The following ZBTB38 variants were observed in gnomAD, a reference collection of about 807,000 sequenced individuals.
ZBTB38 encodes the protein zinc finger and BTB domain containing 38, also known as zinc finger and BTB domain-containing protein 38.
Under a neutral mutation model 76.8 loss-of-function variants are expected in ZBTB38, and 20 were observed. The ratio of observed to expected loss-of-function variants is 0.26; its 90% CI spans 0.18 to 0.38. The LOEUF is 0.38. Among genes scored for constraint, ZBTB38 ranks in the 10% least tolerant of loss-of-function variants. The pLI is 1.00. For synonymous variants in ZBTB38, 504 were observed against 544.2 expected (o/e 0.93, Z 1.03); for missense variants, 1,082 against 1,482.3 (o/e 0.73, Z 4.43).
intron 5 of ZBTB38, among the ~76,000 whole-genome samples, chr3:141,431,473 G>A (rs1015430749): frequency 6.6e-6 from 1 of 151,402 alleles, no homozygotes; most frequent in Admixed American, 6.6e-5. Context: ...AAGCAAGCAG[G>A]TGCCCAGGCA....
chr3:141,371,687 T>C (rs1944629633), intron 2 of ZBTB38, among the ~76,000 whole-genome samples: 1 of 152,210 alleles, frequency 6.6e-6, no homozygotes, highest in East Asian at 1.9e-4. Context: ...GCTGGGGCTA[T>C]TAATGCTACC....
At position 141,444,297 on chromosome 3, in the gene ZBTB38, G is replaced by C; in HGVS notation, c.1909G>C (p.Ala637Pro). ...TCCAGCCATCCCATTGGAAACATCT[G>C]CATGTCAGGACATACCCACTTCTGC... is the stretch of plus-strand genomic sequence containing the variant. ...NSPAIPLETS[A>P]CQDIPTSANV... Residue 637 changes from alanine to proline, a missense_variant, in exon 6 of 6, where the codon GCA becomes CCA. Around this residue, in one of 8 missense-constraint regions of ZBTB38, gnomAD observed 471 missense variants for 581.0 expected, o/e 0.81. Transcript: ENST00000321464. This position sits in a 1 kb window ranked among gnomAD's most constrained non-coding sequence, Gnocchi z 5.1. 2 of 1,614,202 alleles carry C rather than the reference G, an allele frequency of 1.2e-6. No individual in the cohort carries two copies. Among genetic ancestry groups the C allele is most frequent in the Non-Finnish European group, 1.7e-6 (2 of 1,180,038 alleles).
chr3:141,402,466 G>C (rs1952434487), intron 4 of ZBTB38: 1 of 150,758 alleles, frequency 6.6e-6, no homozygotes, highest in Admixed American at 6.6e-5. Context: ...GCCCCTCGCA[G>C]GGTCTTCGCG....
chr3:141,419,100 A>G (rs1187032694), intron 5 of ZBTB38, among the ~76,000 whole-genome samples: 1 of 152,224 alleles, frequency 6.6e-6, no homozygotes, highest in Non-Finnish European at 1.5e-5. Flanking sequence ...GAAGCATGAC[A>G]GGGAGGCCTC....
chr3:141,427,309 A>C (rs1249674939), intron 5 of ZBTB38, among the ~76,000 whole-genome samples: 1 of 152,224 alleles, frequency 6.6e-6, no homozygotes, highest in Non-Finnish European at 1.5e-5. Flanking sequence ...TTACAATCAT[A>C]ATAAGTACTA....
At chr3:141,337,235 A>T (rs547530429) in intron 1 of ZBTB38, among the ~76,000 whole-genome samples, 26 of 152,300 alleles carry the variant, frequency 1.7e-4, no homozygotes, top group Non-Finnish European at 2.6e-4. Flanking sequence ...TGCAACTTGA[A>T]TTTTTTACTC....
chr3:141,366,671 A>T (rs1259619245), upstream of ZBTB38: 1 of 152,170 alleles, frequency 6.6e-6, no homozygotes, highest in African/African-American at 2.4e-5. Context: ...AGAGGCATAG[A>T]TTGCCTGAGT....
intron 5 of ZBTB38, chr3:141,434,136 C>G: frequency 5.3e-6 from 5 of 942,512 alleles, no homozygotes; most frequent in Non-Finnish European, 6.3e-6. Context: ...TGAACAAATG[C>G]ATGATACCGT....
At chr3:141,403,011 T>A (rs1252354817) in intron 4 of ZBTB38, 1 of 152,238 alleles carries the variant, frequency 6.6e-6, no homozygotes, top group Non-Finnish European at 1.5e-5. Flanking sequence ...CGCCTACTTC[T>A]GCAGTAGTAA....
chr3:141,346,526 T>C (rs1453467213), intron 1 of ZBTB38, among the ~76,000 whole-genome samples: 2 of 152,308 alleles, frequency 1.3e-5, no homozygotes, highest in African/African-American at 4.8e-5. Context: ...TATTACTCTG[T>C]TGCAACAAAG....
chr3:141,325,569 T>A (rs542153518), intron 1 of ZBTB38, among the ~76,000 whole-genome samples: 1 of 152,340 alleles, frequency 6.6e-6, no homozygotes, highest in South Asian at 2.1e-4. Flanking sequence ...GTCACTATAT[T>A]TGTATACTTC....
chr3:141,431,341 A>AAAAAAAAAAATATAT, intron 5 of ZBTB38, among the ~76,000 whole-genome samples: 1 of 103,296 alleles, frequency 9.7e-6, no homozygotes, highest in African/African-American at 6.0e-5. Flanking sequence ...AAAAAAAAAA[A>AAAAAAAAAAATATAT]ATATATATAT....
In ZBTB38 at chr3:141,442,637, G is replaced by A. The variant is rs112857261; in HGVS notation, c.249G>A (p.Val83=). The A allele has an allele frequency of 6.8e-6, 11 of 1,614,126 alleles. No homozygotes were observed. Among genetic ancestry groups the A allele is most frequent in the African/African-American group, 4.0e-5 (3 of 75,034 alleles). The part of the protein sequence containing the change: ...VLELDDLKAE[V]FTEILNYIYS... ...AGCTGGACGATCTCAAAGCTGAAGT[G>A]TTTACTGAAATACTTAATTATATCT... Residue 83 remains valine (V), a synonymous_variant, in exon 6 of 6, where the codon GTG becomes GTA. Transcript: ENST00000321464. The surrounding 1 kb of genome is among the most constrained non-coding windows in gnomAD (Gnocchi z 6.4).
Position 141,334,440 on chromosome 3 carries a change from C to T in ZBTB38, c.-739+9984C>T, listed in dbSNP as rs1434203897. Among the ~76,000 whole-genome samples the T allele has an allele frequency of 7.9e-3, 999 of 126,570 alleles. 14 individuals carry two copies. Among genetic ancestry groups the T allele is most frequent in the Non-Finnish European group, 9.3e-3 (560 of 60,088 alleles). The allele number at this position is 126,570 out of a possible 152,430, so 83.0% of individuals were successfully genotyped here. A position where few individuals can be genotyped will look rare whatever the true frequency, so the allele number is the denominator to read the frequency against. Reference sequence around the variant, plus strand: ...TCCTTCCTTCCTTCCTTCCTTCCTTCCTTCTTTCCTTTCTTCCTTCCTTCC... The same window carrying T: ...TCCTTCCTTCCTTCCTTCCTTCCTTTCTTCTTTCCTTTCTTCCTTCCTTCC... On this transcript the variant is annotated intron_variant, in intron 1 of 7. Transcript: ENST00000509842.
At chr3:141,410,002 T>A (rs879301996) in intron 5 of ZBTB38, among the ~76,000 whole-genome samples, 2 of 152,224 alleles carry the variant, frequency 1.3e-5, no homozygotes, top group Admixed American at 1.3e-4. Flanking sequence ...GTTCCCAGCA[T>A]GACTTTGCTT....
At position 141,414,943 on chromosome 3, in the gene ZBTB38, A is replaced by G. The variant is rs569359997; in HGVS notation, c.-1+10912A>G. Among the ~76,000 whole-genome samples, 5 of 151,866 alleles carry G rather than the reference A, an allele frequency of 3.3e-5. No homozygotes were observed. In the South Asian group the frequency reaches 1.0e-3, roughly 32 times the overall value. The stretch of plus-strand genomic sequence containing the variant: ...ACAGTGCTTTCCCTCTTTTCTGCAT[A>G]TCTTTTAACCCTGCCCTTTCTTTCT... On this transcript the variant is annotated intron_variant, in intron 5 of 5. Transcript: ENST00000321464.
intron 5 of ZBTB38, among the ~76,000 whole-genome samples, chr3:141,417,950 G>A (rs932511560): frequency 2.0e-5 from 3 of 152,122 alleles, no homozygotes; most frequent in Admixed American, 1.3e-4. Flanking sequence ...GGAGGCAGAG[G>A]TTGCAGTGAG....
chr3:141,352,049 A>G (rs778409405), intron 1 of ZBTB38, among the ~76,000 whole-genome samples: 13 of 152,154 alleles, frequency 8.5e-5, no homozygotes, highest in Non-Finnish European at 1.5e-4. Context: ...CATTTACCCA[A>G]TAAATATGCC....
intron 5 of ZBTB38, among the ~76,000 whole-genome samples, chr3:141,439,671 C>CTG (rs1339169553): frequency 2.0e-5 from 3 of 152,196 alleles, no homozygotes; most frequent in African/African-American, 7.2e-5. Flanking sequence ...GTTCAGGATG[C>CTG]TGTGAAGCAG....
Sources: allele counts gnomAD v4.1 joint callset (sites outside exome capture counted in the v4.1 genomes callset), GRCh38; gene constraint gnomAD v4.1.1; regional missense constraint gnomAD v4.1.1; non-coding constraint Gnocchi (gnomAD v3.1); transcripts MANE v1.5; gene names NCBI Gene and HGNC (gene_info 2026-07-23, HGNC 2026-07-21).